Variants in GPC3 observed in about 807,000 individuals in gnomAD.
GPC3 encodes glypican-3.
A neutral mutation model predicts 34.4 loss-of-function variants in GPC3; 3 were observed. The observed-to-expected ratio is 0.09, with a 90% CI of 0.04 to 0.23. GPC3 has a LOEUF of 0.23. GPC3 is among the 10% of genes least tolerant of loss of function. GPC3 has a pLI of 1.00. For synonymous variants in GPC3, 177 were observed against 174.0 expected (o/e 1.02, Z -0.13); for missense variants, 351 against 445.6 (o/e 0.79, Z 1.91).
intron 6 of GPC3, among the ~76,000 whole-genome samples, chrX:133,596,893 A>G (rs1368581498): frequency 9.0e-6 from 1 of 111,113 alleles, no homozygotes; most frequent in African/African-American, 3.3e-5. Context: ...AAGCTCCTGA[A>G]AGTCTCCATG....
intron 2 of GPC3, among the ~76,000 whole-genome samples, chrX:133,810,713 G>C (rs2075659918): frequency 9.2e-6 from 1 of 109,252 alleles, no homozygotes; most frequent in Admixed American, 9.8e-5. Context: ...AGACCATCCT[G>C]GCTAACAGAG....
chrX:133,829,900 C>T (rs2075767058), intron 2 of GPC3, among the ~76,000 whole-genome samples: 2 of 111,681 alleles, frequency 1.8e-5, no homozygotes, highest in South Asian at 7.5e-4. Flanking sequence ...CTTCAAAATT[C>T]ATACAGACTT....
intron 2 of GPC3, among the ~76,000 whole-genome samples, chrX:133,779,453 C>A (rs2072022875): frequency 8.9e-6 from 1 of 111,986 alleles, no homozygotes; most frequent in African/African-American, 3.2e-5. Flanking sequence ...ACTTAACCTT[C>A]CTGTACTTTG....
At chrX:133,765,432 A>G (rs758396868) in intron 2 of GPC3, among the ~76,000 whole-genome samples, 1 of 112,279 alleles carries the variant, frequency 8.9e-6, no homozygotes, top group Admixed American at 9.4e-5. Context: ...CACCTTAAAA[A>G]AGGAATAGCT....
chrX:133,870,308 A>G (rs1038975077), intron 2 of GPC3, among the ~76,000 whole-genome samples: 3 of 112,240 alleles, frequency 2.7e-5, no homozygotes, highest in Non-Finnish European at 5.6e-5. Context: ...GACAAATACC[A>G]AATCATGTAC....
At chrX:133,559,871 C>T (rs2069526798) in intron 7 of GPC3, among the ~76,000 whole-genome samples, 1 of 111,476 alleles carries the variant, frequency 9.0e-6, no homozygotes, top group Non-Finnish European at 1.9e-5. Flanking sequence ...TCTACCCGCC[C>T]ACCCTTTGAT....
intron 6 of GPC3, among the ~76,000 whole-genome samples, chrX:133,646,831 C>T (rs762988624): frequency 4.5e-5 from 5 of 111,621 alleles, no homozygotes; most frequent in African/African-American, 1.6e-4. Context: ...AGCATAGCCC[C>T]CAAGTGAAGG....
chrX:133,959,321 T>A (rs781395354), intron 1 of GPC3, among the ~76,000 whole-genome samples: 1 of 112,602 alleles, frequency 8.9e-6, no homozygotes, highest in Admixed American at 9.4e-5. Context: ...TATGAAGTCC[T>A]ATGCTTACCA....
At chrX:133,655,210 T>G (rs2070644110) in intron 6 of GPC3, among the ~76,000 whole-genome samples, 1 of 111,318 alleles carries the variant, frequency 9.0e-6, no homozygotes, top group Admixed American at 9.6e-5. Flanking sequence ...ATATAGTAAT[T>G]AAGATATTAA....
chrX:133,558,976 G>A (rs1249112797), intron 7 of GPC3, among the ~76,000 whole-genome samples: 1 of 111,388 alleles, frequency 9.0e-6, no homozygotes, highest in East Asian at 2.8e-4. Flanking sequence ...AGCCCTTAAA[G>A]TGGACGAGTG....
At position 133,962,292 on chromosome X, in the gene GPC3, T is replaced by C. The variant is rs769553852; in HGVS notation, c.176-9081A>G. On this transcript the variant is annotated intron_variant, in intron 1 of 7. Transcript: ENST00000370818. ...CTCTCCATATTGCAACAAAGTTATA[T>C]ATGCATGCCTTATTTCCACTAGATT... 2.7e-5 allele frequency among the ~76,000 whole-genome samples: 3 copies of C among 112,153 alleles called. No individual in the cohort carries two copies. The East Asian group carries it at 8.4e-4, about 31-fold the overall frequency.
At chrX:133,963,778 C>T (rs1283257317) in intron 1 of GPC3, among the ~76,000 whole-genome samples, 2 of 112,258 alleles carry the variant, frequency 1.8e-5, no homozygotes, top group East Asian at 5.6e-4. Flanking sequence ...TTTTGGCCAT[C>T]TCTGTATTCC....
chrX:133,981,958 C>T (rs1411596182), intron 1 of GPC3, among the ~76,000 whole-genome samples: 1 of 111,709 alleles, frequency 9.0e-6, no homozygotes, highest in Non-Finnish European at 1.9e-5. Context: ...AACACTACCA[C>T]GGTTTGTTTG....
In GPC3 at chrX:133,910,011, C is replaced by T. The variant is rs543922107; in HGVS notation, c.337+43039G>A. ...ATGCCCAAAATGATTAATGGCCTTT[C>T]AAAGATGAGCAAGTGTGGGAAACAT... On this transcript the variant is annotated intron_variant, in intron 2 of 7. Transcript: ENST00000370818. 7.2e-5 allele frequency among the ~76,000 whole-genome samples: 8 copies of T among 111,597 alleles called. No homozygotes were observed. In the South Asian group the frequency reaches 3.1e-3, roughly 43 times the overall value.
rs1411783277 is a variant in GPC3 at position 133,566,191 on chromosome X, A to G, written c.1574-29898T>C. Reference sequence around the variant, plus strand: ...TGTCAGGTTCCAACATGATATCACCATAATGTGCACTGCTGGCCCATTAGA... The same window carrying G: ...TGTCAGGTTCCAACATGATATCACCGTAATGTGCACTGCTGGCCCATTAGA... On this transcript the variant is annotated intron_variant, in intron 7 of 7. Transcript: ENST00000370818. Among the ~76,000 whole-genome samples the G allele has an allele frequency of 1.2e-4, 13 of 112,113 alleles. No homozygotes were observed. The Admixed American group carries it at 1.2e-3, about 11-fold the overall frequency.
At chrX:133,973,681 T>C (rs1295732694) in intron 1 of GPC3, among the ~76,000 whole-genome samples, 2 of 112,533 alleles carry the variant, frequency 1.8e-5, no homozygotes, top group Non-Finnish European at 3.8e-5. Context: ...TAGACACTTA[T>C]GAAAGATCAG....
intron 2 of GPC3, among the ~76,000 whole-genome samples, chrX:133,932,987 C>T (rs886461927): frequency 4.5e-5 from 5 of 111,106 alleles, no homozygotes; most frequent in Non-Finnish European, 7.5e-5. Flanking sequence ...GTGCATATAG[C>T]GCTATTTGGT....
chrX:133,620,219 CAAAAA>C (rs34399470), intron 6 of GPC3, among the ~76,000 whole-genome samples: 2 of 41,927 alleles, frequency 4.8e-5, no homozygotes, highest in Admixed American at 6.1e-4. Context: ...GACTCTGTCT[CAAAAA>C]AAAAAAAAAA....
chrX:133,683,097 G>A (rs1015226539), intron 5 of GPC3, among the ~76,000 whole-genome samples: 1 of 110,675 alleles, frequency 9.0e-6, no homozygotes. Flanking sequence ...CTGCACCACC[G>A]ATAATCAACT....
Sources: gnomAD v4.1 joint callset for allele counts (sites outside exome capture counted in the v4.1 genomes callset) on GRCh38, gnomAD v4.1.1 for gene constraint, MANE v1.5 for transcripts, NCBI Gene and HGNC (gene_info 2026-07-23, HGNC 2026-07-21) for gene names.